The following DLG2 variants were observed in gnomAD, a reference collection of about 807,000 sequenced individuals.
DLG2 encodes discs large MAGUK scaffold protein 2, also known as disks large homolog 2.
DLG2 carries 45 observed loss-of-function variants against 132.5 expected under a neutral mutation model. The observed-to-expected ratio is 0.34, with a 90% CI of 0.27 to 0.44. The LOEUF is 0.44. DLG2 is among the 20% of genes least tolerant of loss of function. The pLI, the probability that DLG2 is intolerant of heterozygous loss-of-function variation, is 1.00. For missense variants in DLG2, 1,045 were observed against 1,196.9 expected (o/e 0.87, Z 1.87); for synonymous variants, 424 against 419.6 (o/e 1.01, Z -0.13).
chr11:84,805,947 T>C (rs1438126957), intron 6 of DLG2, among the ~76,000 whole-genome samples: 2 of 151,890 alleles, frequency 1.3e-5, no homozygotes, highest in Admixed American at 1.3e-4. Flanking sequence ...AATGGAAACA[T>C]AGAAAGTCTC....
intron 7 of DLG2, among the ~76,000 whole-genome samples, chr11:84,488,609 A>AGTTAAG (rs1371241239): frequency 6.6e-6 from 1 of 152,130 alleles, no homozygotes; most frequent in Non-Finnish European, 1.5e-5. Context: ...GACACTTGCA[A>AGTTAAG]GACAGCTTAC....
intron 4 of DLG2, among the ~76,000 whole-genome samples, chr11:85,173,774 G>A (rs952992589): frequency 2.0e-5 from 3 of 152,078 alleles, no homozygotes; most frequent in Non-Finnish European, 2.9e-5. Flanking sequence ...AAGGGATGGA[G>A]GAAAATTTAC....
intron 21 of DLG2, among the ~76,000 whole-genome samples, chr11:83,499,893 A>ACATCTATC (rs1565493025): frequency 8.7e-6 from 1 of 114,770 alleles, no homozygotes; most frequent in African/African-American, 3.5e-5. Context: ...ATATATATAT[A>ACATCTATC]TATATCAGTT....
chr11:84,477,231 G>A (rs1197003227), intron 7 of DLG2, among the ~76,000 whole-genome samples: 2 of 151,868 alleles, frequency 1.3e-5, no homozygotes, highest in African/African-American at 2.4e-5. Context: ...GGAGTGACTC[G>A]TGCCTGTAAT....
chr11:83,699,353 T>C (rs2153637853), intron 18 of DLG2, among the ~76,000 whole-genome samples: 1 of 152,238 alleles, frequency 6.6e-6, no homozygotes, highest in South Asian at 2.1e-4. Flanking sequence ...ATGGAGAAGC[T>C]TTCTATGTAC....
chr11:84,940,468 A>C (rs745461859), intron 6 of DLG2, among the ~76,000 whole-genome samples: 1 of 152,196 alleles, frequency 6.6e-6, no homozygotes, highest in South Asian at 2.1e-4. Flanking sequence ...CACTTCTTTG[A>C]CGAGCAATGA....
intron 6 of DLG2, among the ~76,000 whole-genome samples, chr11:85,073,543 T>C (rs906894783): frequency 1.3e-5 from 2 of 151,886 alleles, no homozygotes; most frequent in Admixed American, 6.6e-5. Context: ...TGCCCACTCA[T>C]ATCCATTTGC....
intron 8 of DLG2, among the ~76,000 whole-genome samples, chr11:84,219,087 G>T (rs538196246): frequency 6.6e-6 from 1 of 152,160 alleles, no homozygotes; most frequent in Non-Finnish European, 1.5e-5. Context: ...ATGATTTACT[G>T]GTTGTCAAGA....
chr11:85,259,349 C>T (rs533958313), intron 4 of DLG2, among the ~76,000 whole-genome samples: 2 of 152,184 alleles, frequency 1.3e-5, no homozygotes, highest in African/African-American at 4.8e-5. Context: ...CTGAGGCCTC[C>T]CGAGAAGCAG....
intron 10 of DLG2, among the ~76,000 whole-genome samples, chr11:84,086,047 A>C (rs2096974142): frequency 6.6e-6 from 1 of 152,182 alleles, no homozygotes; most frequent in South Asian, 2.1e-4. Flanking sequence ...CTGTTTAGAA[A>C]ATGTGAGCAC....
At chr11:84,343,387 T>C (rs1388308929) in intron 7 of DLG2, among the ~76,000 whole-genome samples, 2 of 152,232 alleles carry the variant, frequency 1.3e-5, no homozygotes, top group East Asian at 1.9e-4. Context: ...CCCTGAATTA[T>C]GCTGTCAGCT....
intron 8 of DLG2, among the ~76,000 whole-genome samples, chr11:84,234,900 C>T (rs1341037875): frequency 6.6e-6 from 1 of 152,224 alleles, no homozygotes; most frequent in Non-Finnish European, 1.5e-5. Context: ...AATCCCCTCC[C>T]CTTTCCAGGA....
chr11:84,956,336 G>A (rs1045830307), intron 6 of DLG2, among the ~76,000 whole-genome samples: 6 of 152,162 alleles, frequency 3.9e-5, no homozygotes, highest in Non-Finnish European at 7.4e-5. Context: ...ACTTGGAGAC[G>A]ATCTATCCTA....
intron 3 of DLG2, among the ~76,000 whole-genome samples, chr11:85,372,100 G>C (rs1040926954): frequency 6.6e-6 from 1 of 152,176 alleles, no homozygotes; most frequent in Non-Finnish European, 1.5e-5. Context: ...TTGAACCAAG[G>C]AGCAATCTCC....
chr11:85,136,152 A>G (rs1275645172), intron 5 of DLG2, among the ~76,000 whole-genome samples: 1 of 152,250 alleles, frequency 6.6e-6, no homozygotes, highest in Non-Finnish European at 1.5e-5. Context: ...AGCATTTTAC[A>G]AACTGAATAT....
chr11:85,166,688 C>T (rs1277861219), intron 4 of DLG2, among the ~76,000 whole-genome samples: 1 of 152,040 alleles, frequency 6.6e-6, no homozygotes, highest in Admixed American at 6.5e-5. Context: ...ATATATTTAT[C>T]TTCTCCATTC....
intron 17 of DLG2, chr11:83,790,500 G>T: frequency 8.0e-7 from 1 of 1,252,394 alleles, no homozygotes; most frequent in Non-Finnish European, 1.2e-6. Context: ...ACTTTGCACT[G>T]AGACATAAAC....
chr11:84,740,160 C>T (rs1417341705), intron 6 of DLG2, among the ~76,000 whole-genome samples: 1 of 151,766 alleles, frequency 6.6e-6, no homozygotes, highest in Non-Finnish European at 1.5e-5. Flanking sequence ...TACTGGAGTG[C>T]CAAAGGGAAA....
chr11:84,433,473 A>G (rs1289600480), intron 7 of DLG2, among the ~76,000 whole-genome samples: 1 of 152,242 alleles, frequency 6.6e-6, no homozygotes, highest in African/African-American at 2.4e-5. Context: ...ACACAGGGTC[A>G]AAACAAAGAA....
Sources: gnomAD v4.1 joint callset for allele counts (sites outside exome capture counted in the v4.1 genomes callset) on GRCh38, gnomAD v4.1.1 for gene constraint, MANE v1.5 for transcripts, NCBI Gene and HGNC (gene_info 2026-07-23, HGNC 2026-07-21) for gene names.